Variants in IL1RAPL1 observed in about 807,000 individuals in gnomAD.
IL1RAPL1 encodes interleukin-1 receptor accessory protein-like 1.
A neutral mutation model predicts 48.4 loss-of-function variants in IL1RAPL1; 3 were observed. The observed-to-expected ratio is 0.06, with a 90% CI of 0.03 to 0.16. IL1RAPL1 has a LOEUF of 0.16. Among genes scored for constraint, IL1RAPL1 ranks in the 10% least tolerant of loss-of-function variants. IL1RAPL1 has a pLI of 1.00. For synonymous variants in IL1RAPL1, 185 were observed against 187.7 expected (o/e 0.99, Z 0.12); for missense variants, 349 against 530.6 (o/e 0.66, Z 3.36).
intron 6 of IL1RAPL1, among the ~76,000 whole-genome samples, chrX:29,677,562 T>A (rs1273065055): frequency 8.9e-6 from 1 of 112,073 alleles, no homozygotes; most frequent in Non-Finnish European, 1.9e-5. Context: ...CCCCCATAAG[T>A]TTTCCCTGTG....
At chrX:29,406,802 A>G (rs1010196609) in intron 5 of IL1RAPL1, among the ~76,000 whole-genome samples, 2 of 112,121 alleles carry the variant, frequency 1.8e-5, no homozygotes, top group Admixed American at 1.9e-4. Context: ...GATTATGTTC[A>G]TTTTTAATAC....
At chrX:29,492,751 G>T (rs1935171800) in intron 5 of IL1RAPL1, among the ~76,000 whole-genome samples, 1 of 111,923 alleles carries the variant, frequency 8.9e-6, no homozygotes, top group East Asian at 2.8e-4. Flanking sequence ...CCTTTGCCAT[G>T]TACAAGGAAA....
intron 3 of IL1RAPL1, among the ~76,000 whole-genome samples, chrX:29,344,367 A>G (rs1423991134): frequency 8.9e-6 from 1 of 112,298 alleles, no homozygotes; most frequent in East Asian, 2.8e-4. Context: ...ATATTTTAAC[A>G]TCATAAACAT....
At chrX:28,976,343 G>T (rs1428656384) in intron 2 of IL1RAPL1, among the ~76,000 whole-genome samples, 3 of 111,339 alleles carry the variant, frequency 2.7e-5, no homozygotes, top group Non-Finnish European at 3.8e-5. Context: ...ATAATGACAG[G>T]TGGTGGGTTG....
intron 2 of IL1RAPL1, among the ~76,000 whole-genome samples, chrX:28,896,874 G>A (rs905587263): frequency 3.5e-4 from 39 of 110,804 alleles, no homozygotes; most frequent in Non-Finnish European, 7.6e-5. Flanking sequence ...ACCTCAGACC[G>A]TTTGCCCATT....
rs115929233 is a variant in IL1RAPL1, at chrX:28,912,338, C to T, written c.82+122913C>T. Among the ~76,000 whole-genome samples the T allele has an allele frequency of 8.6e-3, 952 of 110,346 alleles. 12 individuals carry two copies. Among genetic ancestry groups the T allele is most frequent in the African/African-American group, 0.03 (911 of 30,373 alleles). The stretch of plus-strand genomic sequence containing the variant: ...TTCAGTGTTACTCTTCCATTTGAAC[C>T]GTTATGGAAGGTAAGGCTCTTAGAG... On this transcript the variant is annotated intron_variant, in intron 2 of 10. Coordinates refer to ENST00000378993, the MANE Select transcript of IL1RAPL1 (RefSeq NM_014271.4).
At chrX:28,970,083 C>G (rs1477906207) in intron 2 of IL1RAPL1, among the ~76,000 whole-genome samples, 2 of 111,498 alleles carry the variant, frequency 1.8e-5, no homozygotes, top group African/African-American at 6.5e-5. Context: ...TCACTGCAAC[C>G]TCCACCTCCC....
chrX:29,103,893 G>A (rs1342530181), intron 2 of IL1RAPL1, among the ~76,000 whole-genome samples: 2 of 111,906 alleles, frequency 1.8e-5, no homozygotes, highest in Non-Finnish European at 3.8e-5. Flanking sequence ...CTGATCATCA[G>A]AGAAATGCAA....
chrX:29,691,589 G>A (rs1926771353), intron 6 of IL1RAPL1, among the ~76,000 whole-genome samples: 1 of 110,972 alleles, frequency 9.0e-6, no homozygotes, highest in Non-Finnish European at 1.9e-5. Context: ...TCTAAAAGGA[G>A]CAGTTTAAAA....
intron 4 of IL1RAPL1, among the ~76,000 whole-genome samples, chrX:29,397,372 C>A (rs1198896853): frequency 9.0e-6 from 1 of 111,690 alleles, no homozygotes; most frequent in Non-Finnish European, 1.9e-5. Context: ...AAACCTTTAA[C>A]AATTTTAAAA....
At position 29,918,143 on chromosome X, in the gene IL1RAPL1, AAATATATATATATAT is replaced by A. The variant is rs1157151518; in HGVS notation, c.911+549_911+563del. On this transcript the variant is annotated intron_variant, in intron 7 of 10. Coordinates refer to ENST00000378993, the MANE Select transcript of IL1RAPL1 (RefSeq NM_014271.4). ...GTCTCCAAAAAAAAAAAAAAAAAAA[AAATATATATATATAT>A]ATATATATATATAGTGAGATCAAAA... 1.8e-4 allele frequency among the ~76,000 whole-genome samples: 11 copies of A among 60,418 alleles called. 1 individual carries two copies. Among genetic ancestry groups the A allele is most frequent in the African/African-American group, 9.1e-4 (11 of 12,095 alleles). The allele number at this position is 60,418 out of a possible 115,157, so 52.5% of individuals were successfully genotyped here.
chrX:29,906,460 AATATATATATATATATATAT>A (rs1164023016), intron 6 of IL1RAPL1, among the ~76,000 whole-genome samples: 1,154 of 29,789 alleles, frequency 0.039, 39 homozygotes, highest in Admixed American at 0.056. Context: ...TAACTTTGTA[AATATATATATATATATATAT>A]ATATATATAT....
chrX:28,874,643 T>C (rs959029261), intron 2 of IL1RAPL1, among the ~76,000 whole-genome samples: 3 of 112,377 alleles, frequency 2.7e-5, no homozygotes, highest in African/African-American at 3.2e-5. Flanking sequence ...TATTTTTCAA[T>C]GAACCAGCAT....
intron 1 of IL1RAPL1, among the ~76,000 whole-genome samples, chrX:28,616,727 C>T (rs962872782): frequency 4.5e-5 from 5 of 112,069 alleles, no homozygotes; most frequent in Admixed American, 9.4e-5. Context: ...CCACCGCGCC[C>T]GGCCAGAAAA....
intron 1 of IL1RAPL1, among the ~76,000 whole-genome samples, chrX:28,731,937 A>G (rs769229585): frequency 1.8e-5 from 2 of 112,117 alleles, no homozygotes; most frequent in South Asian, 7.5e-4. Context: ...AGTTAAGCCC[A>G]GAAAACTGGG....
At chrX:29,529,271 A>G (rs1935586694) in intron 5 of IL1RAPL1, among the ~76,000 whole-genome samples, 1 of 111,478 alleles carries the variant, frequency 9.0e-6, no homozygotes, top group South Asian at 3.8e-4. Context: ...TATTTGATCA[A>G]TTAACAAAAT....
chrX:29,280,048 A>G (rs1932176850), intron 2 of IL1RAPL1, among the ~76,000 whole-genome samples: 1 of 112,343 alleles, frequency 8.9e-6, no homozygotes, highest in South Asian at 3.7e-4. Flanking sequence ...ACAGATAGTC[A>G]GTTATATTAA....
chrX:28,873,687 A>T (rs758276863), intron 2 of IL1RAPL1, among the ~76,000 whole-genome samples: 6 of 106,891 alleles, frequency 5.6e-5, no homozygotes, highest in African/African-American at 2.0e-4. Context: ...GCCCGCCACC[A>T]CAGCCGGCTA....
intron 1 of IL1RAPL1, among the ~76,000 whole-genome samples, chrX:28,663,754 G>T: frequency 8.9e-6 from 1 of 111,755 alleles, no homozygotes; most frequent in South Asian, 3.8e-4. Flanking sequence ...ATAATCAAAT[G>T]ATTTGTGTCA....
Sources: allele counts gnomAD v4.1 joint callset (sites outside exome capture counted in the v4.1 genomes callset), GRCh38; gene constraint gnomAD v4.1.1; transcripts MANE v1.5; gene names NCBI Gene and HGNC (gene_info 2026-07-23, HGNC 2026-07-21).